Variants in GRIN2C observed in about 807,000 individuals in gnomAD.
The protein encoded by GRIN2C is glutamate receptor ionotropic, NMDA 2C.
In GRIN2C, 64 loss-of-function variants were observed where a neutral mutation model predicts 77.7. The observed-to-expected ratio is 0.82, with a 90% CI of 0.67 to 1.01. GRIN2C has a LOEUF of 1.01. GRIN2C is among the 50% of genes least tolerant of loss of function. The probability of loss-of-function intolerance (pLI) is 0.00; values close to 1 mark genes in which losing one functional copy is unlikely to be tolerated. For missense variants in GRIN2C, 1,549 were observed against 1,486.0 expected (o/e 1.04, Z -0.70); for synonymous variants, 792 against 643.4 (o/e 1.23, Z -3.49).
Position 74,852,065 on chromosome 17 carries a change from C to T in GRIN2C, c.946G>A (p.Asp316Asn). ...QHGTLPAPAG[D>N]CRVHPGPVSP... ...ACGGGCCCAGGGTGAACACGGCAGTCCCCGGCCGGGGCTGGCAGGGTTCCA... is the reference window on the plus strand; with the variant it reads ...ACGGGCCCAGGGTGAACACGGCAGTTCCCGGCCGGGGCTGGCAGGGTTCCA... Residue 316 changes from aspartate (D) to asparagine (N), a missense_variant, in exon 3 of 13, where the codon GAC (aspartate) becomes AAC (asparagine). Physicochemically the swap from Asp to Asn is conservative, Grantham distance 23. This residue lies in a region of GRIN2C where 717 missense variants were observed against 858.1 expected (regional missense o/e 0.84). Coordinates refer to ENST00000293190, the MANE Select transcript of GRIN2C (RefSeq NM_000835.6). 1 of 1,458,880 alleles carries T rather than the reference C, an allele frequency of 6.9e-7. No homozygotes were observed. Among genetic ancestry groups the T allele is most frequent in the East Asian group, 2.6e-5 (1 of 38,618 alleles). 90.4% of individuals were successfully genotyped at this position (1,458,880 alleles called of 1,614,324 possible).
Position 74,843,564 on chromosome 17 carries a change from G to A in GRIN2C, c.2584-11C>T, listed in dbSNP as rs1021054631. 11 of 1,531,720 alleles carry A rather than the reference G, an allele frequency of 7.2e-6. No individual in the cohort carries two copies. In the African/African-American group the frequency reaches 1.2e-4, roughly 17 times the overall value. The allele number at this position is 1,531,720 out of a possible 1,614,324, so 94.9% of individuals were successfully genotyped here. ...GCAGCTGTAGATGCCCTGGGCAGTA[G>A]GGAGACGACAGGCCGTAAGCAGCGC... On this transcript the variant is annotated splice_polypyrimidine_tract_variant and intron_variant, in intron 12 of 12. Transcript: ENST00000293190.
In GRIN2C at chr17:74,850,868, G is replaced by T; in HGVS notation, c.1114-101C>A. ...CAAGAATCTCCCTCTCTCACCTAGG[G>T]ATGCTGGGGCAGGTCAGAGTAGGGC... is the stretch of plus-strand genomic sequence containing the variant. On this transcript the variant is annotated intron_variant, in intron 4 of 12. Coordinates refer to ENST00000293190, the MANE Select transcript of GRIN2C (RefSeq NM_000835.6). The surrounding 1 kb of genome is among the most constrained non-coding windows in gnomAD (Gnocchi z 5.3). 9.9e-7 allele frequency: 1 copy of T among 1,008,176 alleles called. No individual in the cohort carries two copies. Among genetic ancestry groups the T allele is most frequent in the South Asian group, 1.5e-5 (1 of 68,086 alleles). The allele number at this position is 1,008,176 out of a possible 1,614,324, so 62.5% of individuals were successfully genotyped here.
chr17:74,843,237 C>T lies in GRIN2C; in HGVS notation c.2900G>A (p.Arg967His). 3.1e-6 allele frequency: 2 copies of T among 647,582 alleles called. No homozygotes were observed. Among genetic ancestry groups the T allele is most frequent in the Non-Finnish European group, 4.6e-6 (2 of 431,216 alleles). The allele number at this position is 647,582 out of a possible 1,614,324, so 40.1% of individuals were successfully genotyped here. The change falls in exon 13 of 13, where the codon CGC becomes CAC. Residue 967 changes from arginine to histidine, a missense_variant. Coordinates refer to ENST00000293190, the MANE Select transcript of GRIN2C (RefSeq NM_000835.6). ...CGGAGCCCTGCGCACAAGCGCCGCGCGACCCCCGTCTGGCGGTCCCCAGCC... is the reference window on the plus strand; with the variant it reads ...CGGAGCCCTGCGCACAAGCGCCGCGTGACCCCCGTCTGGCGGTCCCCAGCC... ...PTGWGPPDGG[R>H]AALVRRAPQP... is the part of the protein sequence containing the mutation.
At chr17:74,851,903 C>T (rs2037657380) in intron 3 of GRIN2C, 110 bp downstream of exon 3, 2 of 831,038 alleles carry the variant, frequency 2.4e-6, no homozygotes, top group African/African-American at 1.7e-5. Context: ...AATGTGGCCC[C>T]AGGCACGCAG....
Position 74,846,214 on chromosome 17 carries a change from G to C in GRIN2C, c.2202C>G (p.Asn734Lys). ...AGCCCTCGTCCTTGCCTGCCATGTA[G>C]TTGAGGACAGCAGCATCATAGATGA... ...DAFIYDAAVL[N>K]YMAGKDEGCK... The change falls in exon 11 of 13, where the codon AAC becomes AAG. Residue 734 changes from asparagine (N) to lysine (K), a missense_variant. Coordinates refer to ENST00000293190, the MANE Select transcript of GRIN2C (RefSeq NM_000835.6). This position sits in a 1 kb window ranked among gnomAD's most constrained non-coding sequence, Gnocchi z 4.4. 1 of 1,614,194 alleles carries C rather than the reference G, an allele frequency of 6.2e-7. No homozygotes were observed.
chr17:74,860,448 C>G (rs1360879465), upstream of GRIN2C: 3 of 456,602 alleles, frequency 6.6e-6, no homozygotes, highest in Non-Finnish European at 8.8e-6. Flanking sequence ...GTCTTGCTCA[C>G]CCAGCAGCTC....
At chr17:74,848,162 G>C (rs961746135) in intron 7 of GRIN2C, among the ~76,000 whole-genome samples, 185 bp from the exon 8 acceptor site, 4 of 152,164 alleles carry the variant, frequency 2.6e-5, no homozygotes, top group African/African-American at 7.2e-5. Context: ...AAGAGGTCAG[G>C]CTCTCCAGCA....
rs893958251 is a variant in GRIN2C at position 74,850,660 on chromosome 17, C to T, written c.1221G>A (p.Thr407=). Residue 407 remains threonine (T), a synonymous_variant, in exon 5 of 13, where the codon ACG becomes ACA. Coordinates refer to ENST00000293190, the MANE Select transcript of GRIN2C (RefSeq NM_000835.6). This position sits in a 1 kb window ranked among gnomAD's most constrained non-coding sequence, Gnocchi z 5.3. ...CGATGACAAAGGGCCGCTCTTCCAG[C>T]GTGGCCACCGTCAGGTGCCGACTGT... The part of the protein sequence containing the change: ...VVDSRHLTVA[T]LEERPFVIVE... The T allele has an allele frequency of 1.2e-5, 20 of 1,613,466 alleles. No individual in the cohort carries two copies. The highest frequency in any genetic ancestry group is 4.0e-5 in the African/African-American group (3 of 74,912).
At position 74,843,381 on chromosome 17, in the gene GRIN2C, G is replaced by T. The variant is rs1262075235; in HGVS notation, c.2756C>A (p.Thr919Asn). Residue 919 changes from threonine to asparagine, a missense_variant, in exon 13 of 13, where the codon ACC (threonine) becomes AAC (asparagine). Physicochemically the swap from Thr to Asn is moderately conservative, Grantham distance 65. Around this residue, in one of 3 missense-constraint regions of GRIN2C, gnomAD observed 450 missense variants for 267.9 expected, o/e 1.68. Transcript: ENST00000293190. Reference sequence around the variant, plus strand: ...GCGGCCGCCACCCCAATTCTCGATGGTGCGAGTGGCGCGGTCCAGGGAGCT... The same window carrying T: ...GCGGCCGCCACCCCAATTCTCGATGTTGCGAGTGGCGCGGTCCAGGGAGCT... Reference protein sequence around the residue: ...VSSSLDRATRTIENWGGGRRA... With the variant: ...VSSSLDRATRNIENWGGGRRA... The T allele has an allele frequency of 6.5e-7, 1 of 1,532,360 alleles. No individual in the cohort carries two copies. Among genetic ancestry groups the T allele is most frequent in the Non-Finnish European group, 8.7e-7 (1 of 1,144,064 alleles). 94.9% of individuals were successfully genotyped at this position (1,532,360 alleles called of 1,614,324 possible).
chr17:74,845,484 G>A (rs1053730593), intron 11 of GRIN2C, among the ~76,000 whole-genome samples: 4 of 151,582 alleles, frequency 2.6e-5, no homozygotes, highest in Non-Finnish European at 4.4e-5. Context: ...TGCCCAGGCT[G>A]GTCTCAAACT....
At position 74,843,370 on chromosome 17, in the gene GRIN2C, A is replaced by C; in HGVS notation, c.2767T>G (p.Trp923Gly). The C allele has an allele frequency of 6.5e-7, 1 of 1,529,242 alleles. No homozygotes were observed. The highest frequency in any genetic ancestry group is 8.8e-7 in the Non-Finnish European group (1 of 1,142,422). The allele number at this position is 1,529,242 out of a possible 1,614,324, so 94.7% of individuals were successfully genotyped here. A position where few individuals can be genotyped will look rare whatever the true frequency, so the allele number is the denominator to read the frequency against. The change falls in exon 13 of 13, where the codon TGG (tryptophan) becomes GGG (glycine). Residue 923 changes from tryptophan (W) to glycine (G), a missense_variant. Physicochemically the swap from Trp to Gly is radical, Grantham distance 184. Transcript: ENST00000293190. ...GGGGGCGCACGGCGGCCGCCACCCC[A>C]ATTCTCGATGGTGCGAGTGGCGCGG... is the stretch of plus-strand genomic sequence containing the variant. ...LDRATRTIEN[W>G]GGGRRAPPPS...
intron 3 of GRIN2C, 44 bp downstream of exon 3, chr17:74,851,969 G>T: frequency 7.1e-7 from 1 of 1,418,360 alleles, no homozygotes; most frequent in Non-Finnish European, 9.4e-7. Flanking sequence ...CTCCCCCGAA[G>T]CGCTCCCCAC....
At position 74,844,376 on chromosome 17, in the gene GRIN2C, A is replaced by G. The variant is rs1488513879; in HGVS notation, c.2483T>C (p.Leu828Pro). The change falls in exon 12 of 13, where the codon CTG (leucine) becomes CCG (proline). Residue 828 changes from leucine (L) to proline (P), a missense_variant. Physicochemically the swap from Leu to Pro is moderately conservative, Grantham distance 98. Transcript: ENST00000293190. Reference sequence around the variant, plus strand: ...CTCCCAGGCGAAGACCAGCAGGGCCAGCCCCATGGCCACCAGCAGCATGTA... The same window carrying G: ...CTCCCAGGCGAAGACCAGCAGGGCCGGCCCCATGGCCACCAGCAGCATGTA... Reference protein sequence around the residue: ...VFYMLLVAMGLALLVFAWEHL... With the variant: ...VFYMLLVAMGPALLVFAWEHL... 3 of 1,614,072 alleles carry G rather than the reference A, an allele frequency of 1.9e-6. No individual in the cohort carries two copies. The highest frequency in any genetic ancestry group is 1.7e-6 in the Non-Finnish European group (2 of 1,180,042).
upstream of GRIN2C, chr17:74,860,728 G>C (rs2144630574): frequency 2.9e-6 from 1 of 350,862 alleles, no homozygotes; most frequent in South Asian, 2.1e-5. Flanking sequence ...GCCAGCATCT[G>C]CAAGATGCCA....
At chr17:74,845,612 C>A (rs1598474282) in intron 11 of GRIN2C, among the ~76,000 whole-genome samples, 1 of 152,116 alleles carries the variant, frequency 6.6e-6, no homozygotes, top group Admixed American at 6.6e-5. Flanking sequence ...CCTCCAAACA[C>A]AAAGCTCTCT....
Position 74,847,882 on chromosome 17 carries a change from T to A in GRIN2C, c.1741A>T (p.Ser581Cys). 6.2e-7 allele frequency: 1 copy of A among 1,614,048 alleles called. No individual in the cohort carries two copies. The highest frequency in any genetic ancestry group is 8.5e-7 in the Non-Finnish European group (1 of 1,179,982). The change falls in exon 8 of 13, where the codon AGC becomes TGC. Residue 581 changes from serine (S) to cysteine (C), a missense_variant. Ser to Cys is a moderately radical substitution (Grantham distance 112). Coordinates refer to ENST00000293190, the MANE Select transcript of GRIN2C (RefSeq NM_000835.6). This position sits in a 1 kb window ranked among gnomAD's most constrained non-coding sequence, Gnocchi z 5.2. ...VFMFEYFSPV[S>C]YNQNLTRGKK... ...CCTCTGGTGAGGTTCTGGTTGTAGCTGACAGGGCTGAAGTACTCGAACATG... is the reference window on the plus strand; with the variant it reads ...CCTCTGGTGAGGTTCTGGTTGTAGCAGACAGGGCTGAAGTACTCGAACATG...
In GRIN2C at chr17:74,851,653, G is replaced by A. The variant is rs77993162; in HGVS notation, c.1037C>T (p.Ser346Phe). The change falls in exon 4 of 13, where the codon TCC (serine) becomes TTC (phenylalanine). Residue 346 changes from serine (S) to phenylalanine (F), a missense_variant. Physicochemically the swap from Ser to Phe is radical, Grantham distance 155. Transcript: ENST00000293190. ...GACCAGGTACCCACCAGGGCTGAAG[G>A]AGAAGTCTCGGCCCTCCCAGGTGAC... ...LNVTWEGRDF[S>F]FSPGGYLVQP... is the part of the protein sequence containing the mutation. 1.9e-4 allele frequency: 304 copies of A among 1,574,202 alleles called. No homozygotes were observed. Among genetic ancestry groups the A allele is most frequent in the Non-Finnish European group, 2.4e-4 (277 of 1,159,198 alleles).
chr17:74,846,828 G>GTCACGGTA lies in GRIN2C; in HGVS notation c.2086_2093dup (p.Met699ThrfsTer78), dbSNP rs916030778. The GTCACGGTA allele has an allele frequency of 1.2e-6, 2 of 1,614,038 alleles. No individual in the cohort carries two copies. Among genetic ancestry groups the GTCACGGTA allele is most frequent in the African/African-American group, 2.7e-5 (2 of 74,930 alleles). Reference sequence around the variant, plus strand: ...TGAACTTGACCATGTGGGTGTGCATGTCACGGTAGTTACTGCGGATGTTCC... The same window carrying GTCACGGTA: ...TGAACTTGACCATGTGGGTGTGCATGTCACGGTATCACGGTAGTTACTGCGGATGTTCC... On this transcript the variant is annotated frameshift_variant, in exon 10 of 13. Transcript: ENST00000293190. LOFTEE classifies it high-confidence loss of function. This position sits in a 1 kb window ranked among gnomAD's most constrained non-coding sequence, Gnocchi z 4.4.
chr17:74,853,975 C>G (rs1252885494), intron 2 of GRIN2C: 1 of 152,356 alleles, frequency 6.6e-6, no homozygotes, highest in Admixed American at 6.5e-5. Context: ...GCCCCCGCCT[C>G]CTTCTCCAGG....
Sources: gnomAD v4.1 joint callset for allele counts (sites outside exome capture counted in the v4.1 genomes callset) on GRCh38, gnomAD v4.1.1 for gene constraint, gnomAD v4.1.1 regional missense constraint, Gnocchi (gnomAD v3.1) non-coding constraint, MANE v1.5 for transcripts, NCBI Gene and HGNC (gene_info 2026-07-23, HGNC 2026-07-21) for gene names.